The following CDH4 variants were observed in gnomAD, a reference collection of about 807,000 sequenced individuals.
CDH4 encodes cadherin 4.
A neutral mutation model predicts 86.0 loss-of-function variants in CDH4; 33 were observed. The observed-to-expected ratio is 0.38, with a 90% CI of 0.29 to 0.51. The LOEUF (loss-of-function observed/expected upper bound fraction) is 0.51. Ranked by LOEUF, CDH4 falls within the 20% of genes least tolerant of loss-of-function variation. The probability of loss-of-function intolerance (pLI) is 0.86; values close to 1 mark genes in which losing one functional copy is unlikely to be tolerated. For synonymous variants in CDH4, 555 were observed against 549.4 expected (o/e 1.01, Z -0.14); for missense variants, 1,114 against 1,307.4 (o/e 0.85, Z 2.28).
At chr20:61,826,196 C>G (rs1981303830) in intron 4 of CDH4, among the ~76,000 whole-genome samples, 1 of 152,196 alleles carries the variant, frequency 6.6e-6, no homozygotes, top group Non-Finnish European at 1.5e-5. Flanking sequence ...AAGTCAGAGT[C>G]CCTGTGAGGT....
chr20:61,883,761 C>T (rs113178797), intron 7 of CDH4, among the ~76,000 whole-genome samples: 40 of 152,068 alleles, frequency 2.6e-4, no homozygotes, highest in African/African-American at 7.0e-4. Context: ...GCTGGACTGA[C>T]GGGACCTCCC....
chr20:61,504,204 C>T (rs950472716), intron 2 of CDH4, among the ~76,000 whole-genome samples: 4 of 152,198 alleles, frequency 2.6e-5, no homozygotes, highest in Admixed American at 6.5e-5. Flanking sequence ...GGGCTGGCTC[C>T]GTGGCCGGCC....
rs994858293 is a variant in CDH4, at chr20:61,709,404, A to G, written c.170-34159A>G. Among the ~76,000 whole-genome samples the G allele has an allele frequency of 2.0e-5, 3 of 152,046 alleles. No homozygotes were observed. Among genetic ancestry groups the G allele is most frequent in the African/African-American group, 7.2e-5 (3 of 41,406 alleles). ...ATTCTCCTGCCTCAGCCACCCAAGT[A>G]GTTGGGATTACAGGCGGGTGCCACC... On this transcript the variant is annotated intron_variant, in intron 2 of 15. Coordinates refer to ENST00000614565, the MANE Select transcript of CDH4 (RefSeq NM_001794.5). This position sits in a 1 kb window ranked among gnomAD's most constrained non-coding sequence, Gnocchi z 4.8.
chr20:61,740,648 G>A (rs947817919), intron 2 of CDH4: 8 of 152,256 alleles, frequency 5.3e-5, no homozygotes, highest in African/African-American at 1.7e-4. Context: ...AGCACCATTT[G>A]CGTAACCGTA....
At chr20:61,786,295 G>C (rs1354291105) in intron 4 of CDH4, among the ~76,000 whole-genome samples, 1 of 152,108 alleles carries the variant, frequency 6.6e-6, no homozygotes, top group Non-Finnish European at 1.5e-5. Flanking sequence ...CCCCATGACC[G>C]TCTTGAGTGT....
chr20:61,682,949 A>T (rs1173210118), intron 2 of CDH4, among the ~76,000 whole-genome samples: 2 of 152,112 alleles, frequency 1.3e-5, no homozygotes, highest in Non-Finnish European at 2.9e-5. Flanking sequence ...GCATTCAGTG[A>T]GAAAATGTAT....
At chr20:61,901,861 A>G (rs920653536) in intron 8 of CDH4, among the ~76,000 whole-genome samples, 1 of 152,228 alleles carries the variant, frequency 6.6e-6, no homozygotes, top group African/African-American at 2.4e-5. Context: ...GGAGGTCCTG[A>G]GCCTTCCAGG....
chr20:61,839,896 G>GTT (rs1345164528), intron 4 of CDH4, among the ~76,000 whole-genome samples: 2 of 151,420 alleles, frequency 1.3e-5, no homozygotes, highest in African/African-American at 4.9e-5. Context: ...GTGTGTATGT[G>GTT]TGTACTGTGT....
chr20:61,612,212 C>G (rs1393658599), intron 2 of CDH4, among the ~76,000 whole-genome samples: 1 of 152,048 alleles, frequency 6.6e-6, no homozygotes, highest in African/African-American at 2.4e-5. Flanking sequence ...AAATATTTAT[C>G]ATTTCTTTAT....
chr20:61,934,312 C>A, intron 15 of CDH4, 92 bp downstream of exon 15: 3 of 1,355,368 alleles, frequency 2.2e-6, no homozygotes, highest in Non-Finnish European at 2.9e-6. Flanking sequence ...CTCCACAGTG[C>A]CGGCGGCTGC....
chr20:61,468,866 A>T (rs1249501638), intron 2 of CDH4, among the ~76,000 whole-genome samples: 1 of 152,170 alleles, frequency 6.6e-6, no homozygotes, highest in East Asian at 1.9e-4. Flanking sequence ...AGTTCTATCC[A>T]TCTTATTTCA....
chr20:61,643,231 G>A (rs2087029689), intron 2 of CDH4, among the ~76,000 whole-genome samples: 1 of 152,136 alleles, frequency 6.6e-6, no homozygotes, highest in Non-Finnish European at 1.5e-5. Context: ...AGCCAGACTG[G>A]CTTTTATAAC....
chr20:61,864,138 G>A (rs772458571), intron 6 of CDH4, among the ~76,000 whole-genome samples: 3 of 152,266 alleles, frequency 2.0e-5, no homozygotes, highest in African/African-American at 4.8e-5. Context: ...TGGAGGCAGA[G>A]GCTGGAGTGA....
intron 2 of CDH4, among the ~76,000 whole-genome samples, chr20:61,571,560 G>A (rs1906896853): frequency 6.6e-6 from 1 of 152,166 alleles, no homozygotes; most frequent in African/African-American, 2.4e-5. Context: ...ACAGGAACTG[G>A]CATGGGTCTT....
intron 2 of CDH4, among the ~76,000 whole-genome samples, chr20:61,741,560 C>T (rs140945705): frequency 1.8e-4 from 27 of 151,850 alleles, no homozygotes; most frequent in African/African-American, 5.3e-4. Flanking sequence ...GGCGTGATCT[C>T]GGCTCACTGC....
chr20:61,312,214 CGGTGTGTGTGT>C (rs1437338654), intron 2 of CDH4, among the ~76,000 whole-genome samples: 3 of 131,848 alleles, frequency 2.3e-5, no homozygotes, highest in Non-Finnish European at 4.7e-5. Context: ...TGCATATGTG[CGGTGTGTGTGT>C]GGTGTGTGCA....
chr20:61,314,379 G>C (rs1479194701), intron 2 of CDH4, among the ~76,000 whole-genome samples: 1 of 152,176 alleles, frequency 6.6e-6, no homozygotes, highest in African/African-American at 2.4e-5. Flanking sequence ...CTGTCTTTCT[G>C]GGCCTGGCTT....
chr20:61,582,394 T>G lies in CDH4; in HGVS notation c.170-161169T>G, dbSNP rs559622709. Among the ~76,000 whole-genome samples, 15 of 152,300 alleles carry G rather than the reference T, an allele frequency of 9.8e-5. No individual in the cohort carries two copies. The highest frequency in any genetic ancestry group is 1.8e-4 in the Non-Finnish European group (12 of 68,004). ...GAGCCCTGGGGCTTTCCCAGGGCCA[T>G]CCCCCTGCCTGGGGCCCTGTCCGCA... On this transcript the variant is annotated intron_variant, in intron 2 of 15. Coordinates refer to ENST00000614565, the MANE Select transcript of CDH4 (RefSeq NM_001794.5). This position sits in a 1 kb window ranked among gnomAD's most constrained non-coding sequence, Gnocchi z 4.2.
chr20:61,583,806 G>C (rs568690262), intron 2 of CDH4, among the ~76,000 whole-genome samples: 1 of 152,224 alleles, frequency 6.6e-6, no homozygotes, highest in African/African-American at 2.4e-5. Context: ...ACAGCGTGTC[G>C]CTGGATGGAC....
Sources: gnomAD v4.1 joint callset for allele counts (sites outside exome capture counted in the v4.1 genomes callset) on GRCh38, gnomAD v4.1.1 for gene constraint, Gnocchi (gnomAD v3.1) non-coding constraint, MANE v1.5 for transcripts, NCBI Gene and HGNC (gene_info 2026-07-23, HGNC 2026-07-21) for gene names.